Variants in STX6 observed in about 807,000 individuals in gnomAD.
The protein encoded by STX6 is syntaxin 6, also known as syntaxin-6.
Under a neutral mutation model 38.0 loss-of-function variants are expected in STX6, and 23 were observed. The ratio of observed to expected loss-of-function variants is 0.60; its 90% confidence interval spans 0.43 to 0.86. The LOEUF (loss-of-function observed/expected upper bound fraction) is 0.86, where lower values mean the gene tolerates loss of function less well. Among genes scored for constraint, STX6 ranks in the 40% least tolerant of loss-of-function variants. STX6 has a pLI of 0.00. For synonymous variants in STX6, 123 were observed against 107.5 expected, an observed-to-expected ratio of 1.14 and a Z score of -0.89; for missense variants, 274 against 312.9, an observed-to-expected ratio of 0.88 and a Z score of 0.94.
intron 1 of STX6, among the ~76,000 whole-genome samples, chr1:181,017,396 A>C (rs1229490732): frequency 2.6e-5 from 4 of 152,080 alleles, no homozygotes; most frequent in Non-Finnish European, 2.9e-5. Context: ...CCGTCTCAAA[A>C]AAACAAACAA....
rs747901619 is a variant in STX6 at position 181,002,667 on chromosome 1, A to T, written c.239T>A (p.Leu80His). Residue 80 changes from leucine (L) to histidine (H), a missense_variant, in exon 3 of 8, where the codon CTT becomes CAT. Coordinates refer to ENST00000258301, the MANE Select transcript of STX6 (RefSeq NM_005819.6). ...IVEANPRKFN[L>H]DATELSIRKA... ...TCTTATACTCAATTCAGTTGCATCAAGGTTAAATTTTCTAGGATTTGCTTC... is the reference window on the plus strand; with the variant it reads ...TCTTATACTCAATTCAGTTGCATCATGGTTAAATTTTCTAGGATTTGCTTC... 1 of 1,613,690 alleles carries T rather than the reference A, an allele frequency of 6.2e-7. No individual in the cohort carries two copies. The highest frequency in any genetic ancestry group is 1.3e-5 in the African/African-American group (1 of 75,018).
chr1:180,993,730 C>CA (rs1655820365), intron 3 of STX6, among the ~76,000 whole-genome samples: 1 of 152,154 alleles, frequency 6.6e-6, no homozygotes, highest in African/African-American at 2.4e-5. Context: ...ACTGAATTTT[C>CA]ACAAGGACCC....
chr1:181,002,447 C>T (rs899126531), intron 3 of STX6, among the ~76,000 whole-genome samples, 159 bp downstream of exon 3: 3 of 152,046 alleles, frequency 2.0e-5, no homozygotes, highest in Non-Finnish European at 2.9e-5. Flanking sequence ...AGCCACCATG[C>T]GCAGCCAATC....
At chr1:181,021,301 A>G (rs1235111965) in intron 1 of STX6, among the ~76,000 whole-genome samples, 1 of 152,212 alleles carries the variant, frequency 6.6e-6, no homozygotes, top group East Asian at 1.9e-4. Context: ...CAATCCTTCT[A>G]ATAAATATCA....
intron 1 of STX6, among the ~76,000 whole-genome samples, chr1:181,014,415 A>G (rs1571354306): frequency 6.6e-6 from 1 of 151,970 alleles, no homozygotes; most frequent in African/African-American, 2.4e-5. Flanking sequence ...AGAAAAAAAA[A>G]GAAAGAAAAG....
At chr1:181,014,069 C>T (rs1270954382) in intron 1 of STX6, among the ~76,000 whole-genome samples, 2 of 152,174 alleles carry the variant, frequency 1.3e-5, no homozygotes, top group South Asian at 2.1e-4. Flanking sequence ...AATACAAACT[C>T]CAGTTTGATA....
chr1:181,017,971 G>C (rs919404081), intron 1 of STX6, among the ~76,000 whole-genome samples: 22 of 152,164 alleles, frequency 1.4e-4, no homozygotes, highest in Non-Finnish European at 3.1e-4. Flanking sequence ...CACATTAATT[G>C]TAGTGTGATC....
chr1:181,010,432 G>C (rs1172799874), intron 1 of STX6, among the ~76,000 whole-genome samples: 1 of 151,942 alleles, frequency 6.6e-6, no homozygotes. Context: ...CTCCCGAGTA[G>C]CTGATATTAT....
intron 3 of STX6, among the ~76,000 whole-genome samples, chr1:180,999,138 G>GT (rs1196026734): frequency 6.6e-6 from 1 of 152,204 alleles, no homozygotes; most frequent in Non-Finnish European, 1.5e-5. Context: ...AGCAGGTTCG[G>GT]TTTTTTCATG....
At chr1:180,983,825 G>A (rs1655481990) in intron 7 of STX6, among the ~76,000 whole-genome samples, 1 of 152,076 alleles carries the variant, frequency 6.6e-6, no homozygotes, top group Non-Finnish European at 1.5e-5. Context: ...AGCACTTTGG[G>A]AGGCCGAGGC....
chr1:181,022,187 A>C (rs1208991680), intron 1 of STX6, among the ~76,000 whole-genome samples: 1 of 151,764 alleles, frequency 6.6e-6, no homozygotes, highest in Non-Finnish European at 1.5e-5. Context: ...TCCAAACTCA[A>C]TGGACAATGG....
Position 180,994,092 on chromosome 1 carries a change from C to A in STX6, c.301-667G>T, listed in dbSNP as rs545016219. The stretch of plus-strand genomic sequence containing the variant: ...TGTATGGAATGAAAAGTGAATAGAT[C>A]CATTACTTTATCTGAAGCAAAACAC... On this transcript the variant is annotated intron_variant, in intron 3 of 7. Coordinates refer to ENST00000258301, the MANE Select transcript of STX6 (RefSeq NM_005819.6). 1.6e-4 allele frequency among the ~76,000 whole-genome samples: 24 copies of A among 152,140 alleles called. No homozygotes were observed. The South Asian group carries it at 4.8e-3, about 30-fold the overall frequency.
chr1:181,002,326 T>A (rs919646303), intron 3 of STX6, among the ~76,000 whole-genome samples: 5 of 150,670 alleles, frequency 3.3e-5, no homozygotes, highest in Non-Finnish European at 5.9e-5. Context: ...ATTTTTATAT[T>A]TTTTTTTTGT....
intron 3 of STX6, among the ~76,000 whole-genome samples, chr1:180,995,862 G>A (rs1004664787): frequency 6.6e-6 from 1 of 152,148 alleles, no homozygotes; most frequent in Non-Finnish European, 1.5e-5. Context: ...CAGTGCAGTG[G>A]GGGGTAGAGA....
intron 1 of STX6, among the ~76,000 whole-genome samples, chr1:181,007,409 C>G (rs1185849673): frequency 2.0e-5 from 3 of 152,090 alleles, no homozygotes; most frequent in Admixed American, 2.0e-4. Flanking sequence ...GCTGAATCCA[C>G]AGATTTGGAA....
At chr1:181,005,893 G>A (rs1296076065) in intron 1 of STX6, among the ~76,000 whole-genome samples, 1 of 152,152 alleles carries the variant, frequency 6.6e-6, no homozygotes, top group Non-Finnish European at 1.5e-5. Flanking sequence ...TGGGAGGAAT[G>A]AGAATGCTGG....
intron 1 of STX6, 24 bp downstream of exon 1, chr1:181,022,615 G>T (rs1313230355): frequency 2.5e-6 from 4 of 1,605,210 alleles, no homozygotes; most frequent in Non-Finnish European, 3.4e-6. Flanking sequence ...TCTTCCTCCG[G>T]TGGAGCGCTC....
At chr1:180,986,562 A>G (rs1329838638) in intron 6 of STX6, among the ~76,000 whole-genome samples, 1 of 152,044 alleles carries the variant, frequency 6.6e-6, no homozygotes. Context: ...CTATTTTTTT[A>G]GAGACAGGGT....
Position 180,988,322 on chromosome 1 carries a change from C to T in STX6, c.513G>A (p.Glu171=). The T allele has an allele frequency of 6.2e-7, 1 of 1,613,932 alleles. No homozygotes were observed. Among genetic ancestry groups the T allele is most frequent in the Non-Finnish European group, 8.5e-7 (1 of 1,179,888 alleles). ...TGCTGCCAGAGACCAGCTCCAACTG[C>T]TCATCCTGCTGTTCCACGATCAACT... ...QQQLIVEQQD[E]QLELVSGSIG... The change falls in exon 6 of 8, where the codon GAG becomes GAA. Residue 171 remains glutamate, a synonymous_variant. Coordinates refer to ENST00000258301, the MANE Select transcript of STX6 (RefSeq NM_005819.6).
Sources: gnomAD v4.1 joint callset for allele counts (sites outside exome capture counted in the v4.1 genomes callset) on GRCh38, gnomAD v4.1.1 for gene constraint, MANE v1.5 for transcripts, NCBI Gene and HGNC (gene_info 2026-07-23, HGNC 2026-07-21) for gene names.